The following OTOGL variants were observed in gnomAD, a reference collection of about 807,000 sequenced individuals.
OTOGL encodes otogelin-like protein.
A neutral mutation model predicts 318.5 loss-of-function variants in OTOGL; 285 were observed. That is an observed-to-expected ratio of 0.89 (90% CI 0.81 to 0.99). The LOEUF (loss-of-function observed/expected upper bound fraction) is 0.99. OTOGL is among the 50% of genes least tolerant of loss of function. OTOGL has a pLI of 0.00. For synonymous variants in OTOGL, 987 were observed against 936.5 expected, an observed-to-expected ratio of 1.05 and a Z score of -0.99; for missense variants, 2,899 against 2,845.6, an observed-to-expected ratio of 1.02 and a Z score of -0.43.
rs1405420104 is a variant in OTOGL at position 80,367,419 on chromosome 12, A to G, written c.6332-142A>G. The G allele has an allele frequency of 2.5e-5, 14 of 550,158 alleles. No homozygotes were observed. The South Asian group carries it at 2.7e-4, about 10-fold the overall frequency. 34.1% of individuals were successfully genotyped at this position (550,158 alleles called of 1,614,324 possible). On this transcript the variant is annotated intron_variant, in intron 53 of 58. Coordinates refer to ENST00000547103, the MANE Select transcript of OTOGL (RefSeq NM_001378609.3). The stretch of plus-strand genomic sequence containing the variant: ...TTTAAGTAAATATTGGGCCATTAAA[A>G]TACGTAAATATGAAGATCTTCATTA...
chr12:80,298,011 C>G (rs139688708), intron 27 of OTOGL, among the ~76,000 whole-genome samples: 305 of 152,286 alleles, frequency 2.0e-3, no homozygotes, highest in African/African-American at 4.5e-3. Flanking sequence ...TTTATTGTAT[C>G]CTTGGAGCCT....
At chr12:80,101,685 T>TAAA (rs71978562) in intron 1 of OTOGL, among the ~76,000 whole-genome samples, 2 of 152,034 alleles carry the variant, frequency 1.3e-5, no homozygotes, top group Admixed American at 6.6e-5. Flanking sequence ...CAGTTTTTTT[T>TAAA]AAAAAAATCC....
At chr12:80,229,475 G>T in intron 8 of OTOGL, 97 bp downstream of exon 8, 1 of 1,407,902 alleles carries the variant, frequency 7.1e-7, no homozygotes, top group Non-Finnish European at 9.7e-7. Flanking sequence ...AGTAGGAAGA[G>T]AGGATTTCTT....
intron 1 of OTOGL, among the ~76,000 whole-genome samples, chr12:80,202,594 G>A (rs1229795925): frequency 6.6e-6 from 1 of 152,062 alleles, no homozygotes; most frequent in Non-Finnish European, 1.5e-5. Flanking sequence ...TTTCAAGGAG[G>A]TTTTTCTGGG....
At chr12:80,123,851 T>C (rs1241285447) in intron 1 of OTOGL, among the ~76,000 whole-genome samples, 1 of 152,236 alleles carries the variant, frequency 6.6e-6, no homozygotes, top group Admixed American at 6.5e-5. Context: ...GAGAAGTATC[T>C]GTTCATATCC....
chr12:80,223,293 T>G (rs908355685), intron 7 of OTOGL, among the ~76,000 whole-genome samples: 2 of 151,932 alleles, frequency 1.3e-5, no homozygotes, highest in African/African-American at 4.8e-5. Flanking sequence ...ATGGCATATA[T>G]GTATATATAT....
intron 1 of OTOGL, among the ~76,000 whole-genome samples, chr12:80,154,801 G>A (rs1368045687): frequency 6.6e-6 from 1 of 152,164 alleles, no homozygotes; most frequent in Non-Finnish European, 1.5e-5. Flanking sequence ...AAGTGCTAAG[G>A]AGTGTGATTG....
chr12:80,188,155 A>G (rs1012235698), intron 1 of OTOGL, among the ~76,000 whole-genome samples: 2 of 152,156 alleles, frequency 1.3e-5, no homozygotes, highest in Non-Finnish European at 2.9e-5. Context: ...TTTGTCATGC[A>G]CTTGGATAGA....
At position 80,262,043 on chromosome 12, in the gene OTOGL, C is replaced by A; in HGVS notation, c.1964C>A (p.Ala655Glu). Residue 655 changes from alanine to glutamate, a missense_variant, in exon 19 of 59, where the codon GCA becomes GAA. Ala to Glu is a moderately radical substitution (Grantham distance 107). This residue lies in a region of OTOGL where 2,607 missense variants were observed against 2,524.9 expected (regional missense o/e 1.03). Transcript: ENST00000547103. Reference sequence around the variant, plus strand: ...TGGAGAGTTTCTTCTACCTGTTTTGCACCTGTTCATGTCCCAGTGGTGGAC... The same window carrying A: ...TGGAGAGTTTCTTCTACCTGTTTTGAACCTGTTCATGTCCCAGTGGTGGAC... The part of the protein sequence containing the change: ...NAWRVSSTCF[A>E]PVHVPVVDPC... 6.2e-7 allele frequency: 1 copy of A among 1,613,076 alleles called. No individual in the cohort carries two copies. The highest frequency in any genetic ancestry group is 8.5e-7 in the Non-Finnish European group (1 of 1,179,306).
At chr12:80,307,130 T>G (rs1361537895) in intron 29 of OTOGL, among the ~76,000 whole-genome samples, 2 of 150,828 alleles carry the variant, frequency 1.3e-5, no homozygotes, top group African/African-American at 4.9e-5. Flanking sequence ...GGGGGTAAGG[T>G]CACCGATCAA....
chr12:80,169,197 T>G (rs1339556273), intron 1 of OTOGL, among the ~76,000 whole-genome samples: 1 of 152,240 alleles, frequency 6.6e-6, no homozygotes, highest in African/African-American at 2.4e-5. Context: ...ACCTTTCATT[T>G]TTTTCATGTT....
intron 29 of OTOGL, 90 bp from the exon 30 acceptor site, chr12:80,310,521 G>A (rs771552968): frequency 3.9e-4 from 305 of 785,922 alleles, no homozygotes; most frequent in Middle Eastern, 1.3e-3. Flanking sequence ...TATATTAGGC[G>A]CAATTGTAAT....
At chr12:80,193,743 A>G (rs922568853) in intron 1 of OTOGL, among the ~76,000 whole-genome samples, 10 of 152,210 alleles carry the variant, frequency 6.6e-5, no homozygotes, top group African/African-American at 2.2e-4. Flanking sequence ...AGATGTGAGT[A>G]TAACTGAGAG....
intron 1 of OTOGL, among the ~76,000 whole-genome samples, chr12:80,146,118 G>T (rs1872338175): frequency 6.7e-6 from 1 of 150,140 alleles, no homozygotes; most frequent in Non-Finnish European, 1.5e-5. Context: ...GTGAGAGAGG[G>T]CATCCCTGTC....
intron 8 of OTOGL, among the ~76,000 whole-genome samples, chr12:80,230,636 G>C (rs1252023673): frequency 6.6e-6 from 1 of 152,144 alleles, no homozygotes; most frequent in Non-Finnish European, 1.5e-5. Context: ...CAGATTGTGT[G>C]ATAGAAAAAG....
At chr12:80,217,465 T>G (rs542871512) in intron 4 of OTOGL, 133 bp from the exon 5 acceptor site, 1 of 675,572 alleles carries the variant, frequency 1.5e-6, no homozygotes, top group African/African-American at 1.8e-5. Flanking sequence ...TAAGCCTCAA[T>G]AACCCCAGAA....
chr12:80,351,057 T>A (rs141820180), intron 44 of OTOGL, among the ~76,000 whole-genome samples: 1 of 152,318 alleles, frequency 6.6e-6, no homozygotes, highest in African/African-American at 2.4e-5. Flanking sequence ...AGTCTTATAG[T>A]CTCTTTTGAG....
intron 28 of OTOGL, among the ~76,000 whole-genome samples, chr12:80,303,024 C>T (rs897415471): frequency 6.6e-6 from 1 of 152,126 alleles, no homozygotes; most frequent in Non-Finnish European, 1.5e-5. Flanking sequence ...CAGCTTTCTT[C>T]TTCTCTTTTT....
intron 19 of OTOGL, 72 bp downstream of exon 19, chr12:80,262,165 T>C: frequency 1.5e-6 from 2 of 1,340,186 alleles, no homozygotes; most frequent in Non-Finnish European, 2.0e-6. Context: ...TATAATTTTA[T>C]AAAATTAGAT....
Sources: gnomAD v4.1 joint callset for allele counts (sites outside exome capture counted in the v4.1 genomes callset) on GRCh38, gnomAD v4.1.1 for gene constraint, gnomAD v4.1.1 regional missense constraint, MANE v1.5 for transcripts, NCBI Gene and HGNC (gene_info 2026-07-23, HGNC 2026-07-21) for gene names.